The following SH3GLB1 variants were observed in gnomAD, a reference collection of about 807,000 sequenced individuals.
SH3GLB1 encodes the protein endophilin-B1.
A neutral mutation model predicts 42.0 loss-of-function variants in SH3GLB1; 17 were observed. The observed-to-expected ratio is 0.40, with a 90% CI of 0.28 to 0.61. The LOEUF (loss-of-function observed/expected upper bound fraction) is 0.61, where lower values mean the gene tolerates loss of function less well. SH3GLB1 is among the 20% of genes least tolerant of loss of function. SH3GLB1 has a pLI of 0.36. For synonymous variants in SH3GLB1, 132 were observed against 146.6 expected, an observed-to-expected ratio of 0.90 and a Z score of 0.72; for missense variants, 355 against 426.3, an observed-to-expected ratio of 0.83 and a Z score of 1.47.
At chr1:86,718,561 C>T (rs1654684740) in intron 2 of SH3GLB1, among the ~76,000 whole-genome samples, 1 of 152,106 alleles carries the variant, frequency 6.6e-6, no homozygotes, top group Admixed American at 6.5e-5. Flanking sequence ...GTTACTGGTT[C>T]AGCTCATTTT....
At chr1:86,730,607 C>A (rs1280715523) in intron 5 of SH3GLB1, among the ~76,000 whole-genome samples, 1 of 152,024 alleles carries the variant, frequency 6.6e-6, no homozygotes, top group Non-Finnish European at 1.5e-5. Flanking sequence ...TCAACCGATT[C>A]TCCTGCCTCA....
chr1:86,748,166 T>C lies in SH3GLB1; in HGVS notation c.*4931T>C, dbSNP rs976264780. The C allele has an allele frequency of 1.3e-5, 2 of 152,052 alleles. No individual in the cohort carries two copies. The highest frequency in any genetic ancestry group is 2.9e-5 in the Non-Finnish European group (2 of 68,000). The allele number at this position is 152,052 out of a possible 1,614,324, so 9.4% of individuals were successfully genotyped here. A position where few individuals can be genotyped will look rare whatever the true frequency, so the allele number is the denominator to read the frequency against. On this transcript the variant is annotated 3_prime_UTR_variant, in exon 9 of 9. Coordinates refer to ENST00000370558, the MANE Select transcript of SH3GLB1 (RefSeq NM_016009.5). ...TTTTTAGGTTTCCAACTTTCATTAA[T>C]AAAGTGCTTTAAAGAACATTGTGTT...
chr1:86,709,926 T>C (rs1402698922), intron 1 of SH3GLB1, among the ~76,000 whole-genome samples: 1 of 152,226 alleles, frequency 6.6e-6, no homozygotes, highest in Non-Finnish European at 1.5e-5. Context: ...AGACCCTCCC[T>C]GGAGTTTCAG....
intron 1 of SH3GLB1, among the ~76,000 whole-genome samples, chr1:86,713,170 G>T (rs1359873040): frequency 6.6e-6 from 1 of 151,938 alleles, no homozygotes; most frequent in Non-Finnish European, 1.5e-5. Context: ...TAGAGATAGG[G>T]TCTTGCTGTG....
chr1:86,730,737 G>A (rs564683158), intron 5 of SH3GLB1, among the ~76,000 whole-genome samples: 2 of 152,062 alleles, frequency 1.3e-5, no homozygotes, highest in Non-Finnish European at 2.9e-5. Context: ...CCTGAACTCA[G>A]GTGATCAACC....
rs1170715277 is a variant in SH3GLB1 at position 86,743,463 on chromosome 1, T to C, written c.*228T>C. The C allele has an allele frequency of 3.3e-5, 10 of 301,930 alleles. No individual in the cohort carries two copies. The highest frequency in any genetic ancestry group is 6.1e-5 in the Non-Finnish European group (10 of 164,394). 18.7% of individuals were successfully genotyped at this position (301,930 alleles called of 1,614,324 possible). ...GTTTTCTTACAAAATTCTCTTTTTATTGAGGTTTCACTAATAAGCAGCTTC... is the reference window on the plus strand; with the variant it reads ...GTTTTCTTACAAAATTCTCTTTTTACTGAGGTTTCACTAATAAGCAGCTTC... On this transcript the variant is annotated 3_prime_UTR_variant, in exon 9 of 9. Coordinates refer to ENST00000370558, the MANE Select transcript of SH3GLB1 (RefSeq NM_016009.5).
chr1:86,735,013 T>TC, intron 6 of SH3GLB1, 66 bp from the exon 7 acceptor site: 3 of 1,160,746 alleles, frequency 2.6e-6, no homozygotes. Context: ...GTGGTCTGTC[T>TC]CCCCCTTGCA....
intron 5 of SH3GLB1, chr1:86,730,482 A>G: frequency 1.5e-6 from 1 of 655,318 alleles, no homozygotes; most frequent in Non-Finnish European, 1.9e-6. Flanking sequence ...AGAATGGGAT[A>G]TATAATATTT....
At chr1:86,720,147 A>C (rs1479288119) in intron 3 of SH3GLB1, among the ~76,000 whole-genome samples, 2 of 152,152 alleles carry the variant, frequency 1.3e-5, no homozygotes, top group East Asian at 1.9e-4. Context: ...TTATTCAGAG[A>C]ATTCACATCT....
Position 86,744,396 on chromosome 1 carries a change from G to T in SH3GLB1, c.*1161G>T, listed in dbSNP as rs866644629. ...CCTGAACAATATGCACACAGTTCTT[G>T]CCCCTGCAGAGCTTAAAGACCATTA... On this transcript the variant is annotated 3_prime_UTR_variant, in exon 9 of 9. Transcript: ENST00000370558. 3.3e-5 allele frequency: 5 copies of T among 152,156 alleles called. No individual in the cohort carries two copies. Among genetic ancestry groups the T allele is most frequent in the Admixed American group, 6.6e-5 (1 of 15,264 alleles). 9.4% of individuals were successfully genotyped at this position (152,156 alleles called of 1,614,324 possible).
intron 7 of SH3GLB1, among the ~76,000 whole-genome samples, chr1:86,737,457 T>C (rs1029832177): frequency 2.6e-5 from 4 of 152,198 alleles, no homozygotes; most frequent in Non-Finnish European, 4.4e-5. Flanking sequence ...ATAGAGCTTT[T>C]TCTTATCTTC....
chr1:86,735,242 T>G (rs1655725116), intron 7 of SH3GLB1, 63 bp downstream of exon 7: 1 of 1,080,622 alleles, frequency 9.3e-7, no homozygotes, highest in Non-Finnish European at 1.4e-6. Flanking sequence ...GAACTAATAC[T>G]AAGGATGAAG....
At chr1:86,724,536 A>C in intron 5 of SH3GLB1, 131 bp downstream of exon 5, 1 of 701,960 alleles carries the variant, frequency 1.4e-6, no homozygotes, top group Non-Finnish European at 2.4e-6. Flanking sequence ...AATTTATCAG[A>C]ACTTAATACA....
intron 1 of SH3GLB1, among the ~76,000 whole-genome samples, chr1:86,705,901 T>C (rs1653836764): frequency 6.6e-6 from 1 of 152,268 alleles, no homozygotes; most frequent in South Asian, 2.1e-4. Context: ...TTTTCTAATA[T>C]GCATACCAAA....
chr1:86,738,920 A>G (rs1279513090), intron 7 of SH3GLB1, among the ~76,000 whole-genome samples: 2 of 152,244 alleles, frequency 1.3e-5, no homozygotes, highest in African/African-American at 2.4e-5. Context: ...CTGGGATTAT[A>G]GGCGTGAGCC....
chr1:86,722,690 C>A lies in SH3GLB1; in HGVS notation c.477+17C>A, dbSNP rs368152620. On this transcript the variant is annotated intron_variant, in intron 4 of 8. Transcript: ENST00000370558. The stretch of plus-strand genomic sequence containing the variant: ...ACAATTGCTGTGAGTTGAAAAATGT[C>A]CCCTTTATTTAGTAAAATCATTTAG... 8 of 1,577,200 alleles carry A rather than the reference C, an allele frequency of 5.1e-6. No individual in the cohort carries two copies. In the African/African-American group the frequency reaches 9.6e-5, roughly 19 times the overall value.
At position 86,722,688 on chromosome 1, in the gene SH3GLB1, G is replaced by T. The variant is rs1237246679; in HGVS notation, c.477+15G>T. The stretch of plus-strand genomic sequence containing the variant: ...AAACAATTGCTGTGAGTTGAAAAAT[G>T]TCCCCTTTATTTAGTAAAATCATTT... On this transcript the variant is annotated intron_variant, in intron 4 of 8. Transcript: ENST00000370558. 4 of 1,580,554 alleles carry T rather than the reference G, an allele frequency of 2.5e-6. No homozygotes were observed. In the Admixed American group the frequency reaches 5.6e-5, roughly 22 times the overall value.
intron 5 of SH3GLB1, among the ~76,000 whole-genome samples, chr1:86,726,628 A>G (rs755630159): frequency 1.3e-5 from 2 of 151,988 alleles, no homozygotes; most frequent in Admixed American, 1.3e-4. Context: ...GCCAAATACT[A>G]TTTTTTTAGT....
At chr1:86,711,984 G>A (rs1455605203) in intron 1 of SH3GLB1, among the ~76,000 whole-genome samples, 1 of 152,044 alleles carries the variant, frequency 6.6e-6, no homozygotes, top group African/African-American at 2.4e-5. Context: ...GTGCTTTAGA[G>A]AAAATGTATT....
Sources: gnomAD v4.1 joint callset for allele counts (sites outside exome capture counted in the v4.1 genomes callset) on GRCh38, gnomAD v4.1.1 for gene constraint, MANE v1.5 for transcripts, NCBI Gene and HGNC (gene_info 2026-07-23, HGNC 2026-07-21) for gene names.